The following SECISBP2L variants were observed in gnomAD, a reference collection of about 807,000 sequenced individuals.
SECISBP2L encodes the protein SECIS binding protein 2 like.
SECISBP2L carries 43 observed loss-of-function variants against 114.7 expected under a neutral mutation model. The observed-to-expected ratio is 0.38, with a 90% CI of 0.29 to 0.48. The LOEUF is 0.48. Among genes scored for constraint, SECISBP2L ranks in the 20% least tolerant of loss-of-function variants. The pLI is 0.98. For synonymous variants in SECISBP2L, 451 were observed against 439.7 expected, an observed-to-expected ratio of 1.03 and a Z score of -0.32; for missense variants, 1,136 against 1,301.1, an observed-to-expected ratio of 0.87 and a Z score of 1.95.
rs1241874466 is a variant in SECISBP2L, at chr15:49,028,173, A to G, written c.895-5T>C. 4 of 1,571,450 alleles carry G rather than the reference A, an allele frequency of 2.5e-6. No homozygotes were observed. Among genetic ancestry groups the G allele is most frequent in the Non-Finnish European group, 8.6e-7 (1 of 1,158,348 alleles). ...ACACATAGATGATTCCACATGCTAA[A>G]AAAAGAAACAAAAAGACAATTATAC... On this transcript the variant is annotated splice_region_variant and splice_polypyrimidine_tract_variant and intron_variant, in intron 5 of 17. Coordinates refer to ENST00000559471, the MANE Select transcript of SECISBP2L (RefSeq NM_001193489.2).
intron 7 of SECISBP2L, among the ~76,000 whole-genome samples, chr15:49,023,284 A>T (rs565588859): frequency 1.3e-5 from 2 of 152,338 alleles, no homozygotes; most frequent in South Asian, 4.1e-4. Context: ...TCAAAAAATG[A>T]GCAAAGGATA....
At chr15:49,035,743 A>G (rs2141084934) in intron 2 of SECISBP2L, 85 bp from the exon 3 acceptor site, 1 of 1,235,152 alleles carries the variant, frequency 8.1e-7, no homozygotes, top group East Asian at 2.4e-5. Context: ...TACACTAATA[A>G]AAGACAAAAC....
chr15:49,040,697 G>C (rs988947694), intron 1 of SECISBP2L, among the ~76,000 whole-genome samples: 1 of 150,722 alleles, frequency 6.6e-6, no homozygotes, highest in African/African-American at 2.4e-5. Flanking sequence ...CATCACGCCC[G>C]GCTAATTTTT....
chr15:49,005,825 T>C (rs897183108), intron 14 of SECISBP2L, among the ~76,000 whole-genome samples: 5 of 152,042 alleles, frequency 3.3e-5, no homozygotes, highest in South Asian at 2.1e-4. Context: ...TGCCCCTCAG[T>C]TGATGCAGTT....
chr15:48,996,649 A>C (rs1902098189), intron 16 of SECISBP2L, 63 bp from the exon 17 acceptor site: 1 of 1,389,120 alleles, frequency 7.2e-7, no homozygotes, highest in Non-Finnish European at 1.0e-6. Context: ...CCTATTATGG[A>C]TAATAAATAT....
At chr15:48,995,138 G>T (rs1296463266) in intron 17 of SECISBP2L, among the ~76,000 whole-genome samples, 1 of 152,106 alleles carries the variant, frequency 6.6e-6, no homozygotes, top group African/African-American at 2.4e-5. Flanking sequence ...GTGTTTATAT[G>T]TGCCCATATC....
At chr15:49,016,388 T>C in intron 11 of SECISBP2L, 172 bp downstream of exon 11, 1 of 516,142 alleles carries the variant, frequency 1.9e-6, no homozygotes, top group East Asian at 3.3e-5. Flanking sequence ...ATTTCAAGGC[T>C]TGCGGTTTAA....
chr15:49,025,444 T>C (rs1902721304), intron 7 of SECISBP2L, among the ~76,000 whole-genome samples: 1 of 152,290 alleles, frequency 6.6e-6, no homozygotes. Flanking sequence ...CTTATGCACA[T>C]AGCCGGAAGG....
At chr15:49,014,827 G>C (rs1264480284) in intron 11 of SECISBP2L, among the ~76,000 whole-genome samples, 1 of 147,952 alleles carries the variant, frequency 6.8e-6, no homozygotes, top group Non-Finnish European at 1.5e-5. Context: ...TATATTAACA[G>C]TATATGTATA....
chr15:49,027,790 TAC>T (rs1329010871), intron 6 of SECISBP2L, among the ~76,000 whole-genome samples: 1 of 152,082 alleles, frequency 6.6e-6, no homozygotes, highest in Non-Finnish European at 1.5e-5. Context: ...TTTGTATTTT[TAC>T]TAGAGATTGG....
chr15:49,041,428 A>C (rs917317324), intron 1 of SECISBP2L, among the ~76,000 whole-genome samples: 2 of 152,248 alleles, frequency 1.3e-5, no homozygotes, highest in African/African-American at 4.8e-5. Flanking sequence ...TATTTAAAAG[A>C]GTTTATTAGA....
At chr15:48,996,227 T>C (rs1284627982) in intron 17 of SECISBP2L, 140 bp downstream of exon 17, 19 of 737,260 alleles carry the variant, frequency 2.6e-5, no homozygotes, top group Non-Finnish European at 4.4e-6. Flanking sequence ...TTAATGAACA[T>C]GTTTAATGCA....
At chr15:49,011,978 G>A (rs894824785) in intron 12 of SECISBP2L, 115 bp from the exon 13 acceptor site, 2 of 1,227,134 alleles carry the variant, frequency 1.6e-6, no homozygotes, top group African/African-American at 3.0e-5. Context: ...AACATGAGAA[G>A]TTTGGCTAAC....
At position 49,046,444 on chromosome 15, in the gene SECISBP2L, A is replaced by C; in HGVS notation, c.-145T>G. The C allele has an allele frequency of 7.8e-6, 7 of 892,912 alleles. No individual in the cohort carries two copies. The highest frequency in any genetic ancestry group is 1.1e-5 in the Non-Finnish European group (7 of 634,172). 55.3% of individuals were successfully genotyped at this position (892,912 alleles called of 1,614,324 possible). Reference sequence around the variant, plus strand: ...GCCGCGACACCGATTCGGCTACGCCACTGGCCGAGGAGGCGGCTCCAGCTC... The same window carrying C: ...GCCGCGACACCGATTCGGCTACGCCCCTGGCCGAGGAGGCGGCTCCAGCTC... On this transcript the variant is annotated 5_prime_UTR_variant, in exon 1 of 18. Coordinates refer to ENST00000559471, the MANE Select transcript of SECISBP2L (RefSeq NM_001193489.2).
In SECISBP2L at chr15:49,000,913, T is replaced by C. The variant is rs750615295; in HGVS notation, c.2212A>G (p.Ile738Val). ...ATTTTTTCACAGTTTGGAGAAATTA[T>C]AACACACTTGATCTTGTTTAACTTC... ...HMKLNKIKCV[I>V]ISPNCEKIQS... is the part of the protein sequence containing the mutation. Residue 738 changes from isoleucine to valine, a missense_variant, in exon 15 of 18, where the codon ATA becomes GTA. By Grantham distance (29) the Ile-to-Val change is conservative. Around this residue, in one of 2 missense-constraint regions of SECISBP2L, gnomAD observed 684 missense variants for 848.7 expected, o/e 0.81. Coordinates refer to ENST00000559471, the MANE Select transcript of SECISBP2L (RefSeq NM_001193489.2). 11 of 1,613,338 alleles carry C rather than the reference T, an allele frequency of 6.8e-6. No homozygotes were observed. In the South Asian group the frequency reaches 1.2e-4, roughly 18 times the overall value.
chr15:49,013,180 T>A (rs1218996271), intron 11 of SECISBP2L: 1 of 168,490 alleles, frequency 5.9e-6, no homozygotes, highest in Non-Finnish European at 1.3e-5. Context: ...CTGCTATTTG[T>A]CCTTATGTAA....
In SECISBP2L at chr15:49,035,788, G is replaced by A. The variant is rs1902994194; in HGVS notation, c.204-130C>T. ...GCTTCATGATAATTTTGGGAAAGGA[G>A]ACAAAACTATCATCATCTTATAAAT... On this transcript the variant is annotated intron_variant, in intron 2 of 17. Transcript: ENST00000559471. 1.0e-5 allele frequency: 8 copies of A among 778,090 alleles called. No individual in the cohort carries two copies. In the East Asian group the frequency reaches 2.1e-4, roughly 21 times the overall value. 48.2% of individuals were successfully genotyped at this position (778,090 alleles called of 1,614,324 possible). A position where few individuals can be genotyped will look rare whatever the true frequency, so the allele number is the denominator to read the frequency against.
chr15:49,000,073 G>A (rs531292529), intron 15 of SECISBP2L, 86 bp from the exon 16 acceptor site: 39 of 1,405,712 alleles, frequency 2.8e-5, no homozygotes, highest in East Asian at 4.6e-5. Context: ...ATAAAACATC[G>A]CAGCAAAGAA....
intron 6 of SECISBP2L, 150 bp from the exon 7 acceptor site, chr15:49,027,630 C>T (rs1004164578): frequency 4.6e-6 from 2 of 434,050 alleles, no homozygotes; most frequent in South Asian, 8.7e-5. Flanking sequence ...TTTTTTGAGA[C>T]AGAGTTTCAC....
Sources: gnomAD v4.1 joint callset for allele counts (sites outside exome capture counted in the v4.1 genomes callset) on GRCh38, gnomAD v4.1.1 for gene constraint, gnomAD v4.1.1 regional missense constraint, MANE v1.5 for transcripts, NCBI Gene and HGNC (gene_info 2026-07-23, HGNC 2026-07-21) for gene names.